CREBL2: variants seen among roughly 807,000 people sequenced by gnomAD.
CREBL2 encodes cAMP responsive element binding protein like 2, also known as cAMP-responsive element-binding protein-like 2.
CREBL2 carries 4 observed loss-of-function variants against 19.5 expected under a neutral mutation model. The observed-to-expected ratio is 0.20, with a 90% CI of 0.10 to 0.47. The LOEUF (loss-of-function observed/expected upper bound fraction) is 0.47. Among genes scored for constraint, CREBL2 ranks in the 20% least tolerant of loss-of-function variants. The pLI, the probability that CREBL2 is intolerant of heterozygous loss-of-function variation, is 0.98. For missense variants in CREBL2, 85 were observed against 145.1 expected (o/e 0.59, Z 2.13); for synonymous variants, 42 against 46.6 (o/e 0.90, Z 0.40).
chr12:12,640,008 C>T (rs1945505571), intron 3 of CREBL2, among the ~76,000 whole-genome samples: 2 of 151,932 alleles, frequency 1.3e-5, no homozygotes, highest in Non-Finnish European at 2.9e-5. Context: ...TGATAAGGGT[C>T]CAACAAAGAT....
At position 12,635,945 on chromosome 12, in the gene CREBL2, A is replaced by G; in HGVS notation, c.184A>G (p.Ile62Val). Residue 62 changes from isoleucine to valine, a missense_variant, in exon 2 of 4, where the codon ATA becomes GTA. By Grantham distance (29) the Ile-to-Val change is conservative. Transcript: ENST00000228865. The stretch of plus-strand genomic sequence containing the variant: ...GTTGGTATCCAGTCGAGAAAGAGCT[A>G]TATGTGCCCTCAGAGAGGAACTGGA... ...EELVSSRERA[I>V]CALREELEMY... 5.0e-6 allele frequency: 8 copies of G among 1,614,120 alleles called. No homozygotes were observed. The highest frequency in any genetic ancestry group is 6.8e-6 in the Non-Finnish European group (8 of 1,180,024).
At chr12:12,631,467 A>G (rs1945441952) in intron 1 of CREBL2, among the ~76,000 whole-genome samples, 2 of 152,174 alleles carry the variant, frequency 1.3e-5, no homozygotes, top group Non-Finnish European at 2.9e-5. Context: ...GTGTGGGGTT[A>G]TTTTCATAGT....
chr12:12,612,328 C>T (rs762728286), intron 1 of CREBL2, 141 bp downstream of exon 1: 9 of 1,463,126 alleles, frequency 6.2e-6, no homozygotes, highest in African/African-American at 1.4e-5. Context: ...GTCCACTGCC[C>T]GATGGTACCC....
intron 1 of CREBL2, among the ~76,000 whole-genome samples, chr12:12,617,149 C>G (rs1945317124): frequency 6.6e-6 from 1 of 152,106 alleles, no homozygotes; most frequent in Non-Finnish European, 1.5e-5. Flanking sequence ...AGCAGTGTGC[C>G]TAATACAGCA....
At chr12:12,631,449 A>G (rs1161816180) in intron 1 of CREBL2, among the ~76,000 whole-genome samples, 2 of 152,258 alleles carry the variant, frequency 1.3e-5, no homozygotes, top group Admixed American at 1.3e-4. Context: ...CAGGAAAAAA[A>G]GCTAGATGTG....
chr12:12,626,911 T>C (rs1037661822), intron 1 of CREBL2, among the ~76,000 whole-genome samples: 2 of 144,584 alleles, frequency 1.4e-5, no homozygotes, highest in African/African-American at 5.1e-5. Context: ...GAAAAATAAA[T>C]AAACAAGCTA....
At position 12,614,139 on chromosome 12, in the gene CREBL2, G is replaced by A. The variant is rs148848267; in HGVS notation, c.15+1952G>A. Reference sequence around the variant, plus strand: ...CTCCTGAGTAGCTGGGACTACAGGCGTGTGCCACCACATCCAGCTAAATTT... The same window carrying A: ...CTCCTGAGTAGCTGGGACTACAGGCATGTGCCACCACATCCAGCTAAATTT... On this transcript the variant is annotated intron_variant, in intron 1 of 3. Coordinates refer to ENST00000228865, the MANE Select transcript of CREBL2 (RefSeq NM_001310.4). 5.3e-5 allele frequency among the ~76,000 whole-genome samples: 8 copies of A among 151,584 alleles called. No homozygotes were observed. In the East Asian group the frequency reaches 9.8e-4, roughly 19 times the overall value.
chr12:12,619,051 AGAGGGAGAG>A (rs1426376814), intron 1 of CREBL2, among the ~76,000 whole-genome samples: 1 of 151,528 alleles, frequency 6.6e-6, no homozygotes, highest in Non-Finnish European at 1.5e-5. Flanking sequence ...CGGGAGAGGG[AGAGGGAGAG>A]GAGGGAGAGG....
intron 1 of CREBL2, among the ~76,000 whole-genome samples, chr12:12,634,095 T>C (rs1945458460): frequency 6.6e-6 from 1 of 152,232 alleles, no homozygotes; most frequent in South Asian, 2.1e-4. Flanking sequence ...TATTGTGTTA[T>C]GCCTTATAAA....
chr12:12,636,495 T>C (rs771882084), intron 2 of CREBL2, among the ~76,000 whole-genome samples: 1 of 152,130 alleles, frequency 6.6e-6, no homozygotes, highest in African/African-American at 2.4e-5. Flanking sequence ...TCTCAGCTCA[T>C]TGCAAGCTCT....
intron 1 of CREBL2, among the ~76,000 whole-genome samples, chr12:12,626,476 T>C (rs1945402642): frequency 6.6e-6 from 1 of 152,214 alleles, no homozygotes; most frequent in South Asian, 2.1e-4. Flanking sequence ...AGCTTCTGTA[T>C]CTGTGCTACC....
At chr12:12,634,097 C>T (rs1945458472) in intron 1 of CREBL2, among the ~76,000 whole-genome samples, 1 of 152,142 alleles carries the variant, frequency 6.6e-6, no homozygotes, top group African/African-American at 2.4e-5. Context: ...TTGTGTTATG[C>T]CTTATAAAAC....
chr12:12,622,918 G>T (rs1945371146), intron 1 of CREBL2, among the ~76,000 whole-genome samples: 1 of 152,176 alleles, frequency 6.6e-6, no homozygotes, highest in Admixed American at 6.5e-5. Context: ...GGCTGAGGCT[G>T]CTGGTACTTC....
chr12:12,641,258 T>A lies in CREBL2; in HGVS notation c.359-736T>A, dbSNP rs1377353236. On this transcript the variant is annotated intron_variant, in intron 3 of 3. Coordinates refer to ENST00000228865, the MANE Select transcript of CREBL2 (RefSeq NM_001310.4). The stretch of plus-strand genomic sequence containing the variant: ...TTATTATTATTATTATTATTATTTT[T>A]TTTTATTTTTTTTTTTTTTAGGTCA... Among the ~76,000 whole-genome samples the A allele has an allele frequency of 5.0e-3, 489 of 96,866 alleles. 5 individuals carry two copies. Among genetic ancestry groups the A allele is most frequent in the African/African-American group, 0.017 (448 of 26,514 alleles). 63.5% of individuals were successfully genotyped at this position (96,866 alleles called of 152,430 possible).
At chr12:12,623,348 T>TA (rs35094613) in intron 1 of CREBL2, among the ~76,000 whole-genome samples, 16 of 148,196 alleles carry the variant, frequency 1.1e-4, no homozygotes, top group Admixed American at 2.7e-4. Flanking sequence ...GTGAGTCCAC[T>TA]AAAAAAAAAA....
chr12:12,621,204 TG>T (rs1945356732), intron 1 of CREBL2, among the ~76,000 whole-genome samples: 1 of 152,154 alleles, frequency 6.6e-6, no homozygotes, highest in Non-Finnish European at 1.5e-5. Flanking sequence ...TGGGCATGGC[TG>T]TGTTCCAGTA....
rs1328501080 is a variant in CREBL2 at position 12,644,606 on chromosome 12, G to C, written c.*2608G>C. ...ATATAATATGGAATAAGTTTGACCA[G>C]GTCAAGTTTTAGGATATAGTTGAAT... On this transcript the variant is annotated 3_prime_UTR_variant, in exon 4 of 4. Coordinates refer to ENST00000228865, the MANE Select transcript of CREBL2 (RefSeq NM_001310.4). 6.6e-6 allele frequency: 1 copy of C among 152,558 alleles called. No individual in the cohort carries two copies. The highest frequency in any genetic ancestry group is 1.5e-5 in the Non-Finnish European group (1 of 68,034). The allele number at this position is 152,558 out of a possible 1,614,324, so 9.5% of individuals were successfully genotyped here.
chr12:12,644,222 TCA>T lies in CREBL2; in HGVS notation c.*2230_*2231del, dbSNP rs1331827861. 1 of 152,218 alleles carries T rather than the reference TCA, an allele frequency of 6.6e-6. No homozygotes were observed. The highest frequency in any genetic ancestry group is 1.5e-5 in the Non-Finnish European group (1 of 68,034). 9.4% of individuals were successfully genotyped at this position (152,218 alleles called of 1,614,324 possible). A position where few individuals can be genotyped will look rare whatever the true frequency, so the allele number is the denominator to read the frequency against. ...TATTTATTTGGTGTTTTGGAGGAGA[TCA>T]CACACTAAGAGAACGTTGATTGCCT... On this transcript the variant is annotated 3_prime_UTR_variant, in exon 4 of 4. Transcript: ENST00000228865.
chr12:12,644,836 G>C lies in CREBL2; in HGVS notation c.*2838G>C, dbSNP rs1802173. 0.89 allele frequency: 136,172 copies of C among 152,282 alleles called. 61,542 individuals carry two copies. Among genetic ancestry groups the C allele is most frequent in the Non-Finnish European group, 0.96 (65,276 of 68,024 alleles). The allele number at this position is 152,282 out of a possible 1,614,324, so 9.4% of individuals were successfully genotyped here. ...AAAGTACAGGTTTAAACTGGACTTA[G>C]CTTGAGTTAAAGGCAAAGAAAATCT... On this transcript the variant is annotated 3_prime_UTR_variant, in exon 4 of 4. Transcript: ENST00000228865.
Sources: gnomAD v4.1 joint callset for allele counts (sites outside exome capture counted in the v4.1 genomes callset) on GRCh38, gnomAD v4.1.1 for gene constraint, MANE v1.5 for transcripts, NCBI Gene and HGNC (gene_info 2026-07-23, HGNC 2026-07-21) for gene names.